The following ADGRV1 variants were observed in gnomAD, a reference collection of about 807,000 sequenced individuals.
ADGRV1 encodes G-protein coupled receptor 98.
In ADGRV1, 359 loss-of-function variants were observed where a neutral mutation model predicts 596.2. That is an observed-to-expected ratio of 0.60 (90% CI 0.55 to 0.66). ADGRV1 has a LOEUF of 0.66. Ranked by LOEUF, ADGRV1 falls within the 30% of genes least tolerant of loss-of-function variation. The pLI is 0.00. For synonymous variants in ADGRV1, 2,681 were observed against 2,679.2 expected, an observed-to-expected ratio of 1.00 and a Z score of -0.02; for missense variants, 7,274 against 7,575.6, an observed-to-expected ratio of 0.96 and a Z score of 1.48.
chr5:90,769,801 G>A (rs1016724607), intron 59 of ADGRV1, among the ~76,000 whole-genome samples: 9 of 152,114 alleles, frequency 5.9e-5, no homozygotes, highest in Admixed American at 5.2e-4. Flanking sequence ...GAAAATATGT[G>A]CTCCCTGCCT....
intron 85 of ADGRV1, among the ~76,000 whole-genome samples, chr5:91,032,627 C>T (rs886148084): frequency 1.3e-5 from 2 of 151,624 alleles, no homozygotes; most frequent in African/African-American, 4.8e-5. Flanking sequence ...ATAATTTATT[C>T]TTTCTTTGCC....
intron 82 of ADGRV1, among the ~76,000 whole-genome samples, chr5:90,861,078 A>G (rs1019638829): frequency 1.5e-4 from 23 of 152,162 alleles, no homozygotes; most frequent in Admixed American, 1.3e-4. Context: ...GTATGATAAT[A>G]AAAGACTTTA....
At chr5:90,755,979 C>A (rs961024555) in intron 55 of ADGRV1, among the ~76,000 whole-genome samples, 5 of 151,120 alleles carry the variant, frequency 3.3e-5, no homozygotes, top group African/African-American at 9.7e-5. Flanking sequence ...GTTTTCCCCC[C>A]CTTTTTAGAG....
intron 55 of ADGRV1, among the ~76,000 whole-genome samples, 189 bp downstream of exon 55, chr5:90,755,374 A>G (rs1437340637): frequency 1.3e-5 from 2 of 152,154 alleles, no homozygotes; most frequent in African/African-American, 2.4e-5. Context: ...ACTGGCTGGC[A>G]AAAATGATGT....
At chr5:91,125,196 A>G (rs796725820) in intron 87 of ADGRV1, among the ~76,000 whole-genome samples, 26 of 152,326 alleles carry the variant, frequency 1.7e-4, no homozygotes, top group African/African-American at 3.9e-4. Context: ...CCTCCCCTGA[A>G]TGGATGAGAG....
chr5:90,866,898 G>A (rs1253863194), intron 83 of ADGRV1, among the ~76,000 whole-genome samples: 4 of 152,078 alleles, frequency 2.6e-5, no homozygotes, highest in Admixed American at 2.6e-4. Context: ...TCAATACCAA[G>A]TTATTTTTTC....
chr5:90,675,936 T>C, intron 24 of ADGRV1, 144 bp from the exon 25 acceptor site: 1 of 562,446 alleles, frequency 1.8e-6, no homozygotes, highest in Non-Finnish European at 3.0e-6. Flanking sequence ...GTTTTCAATG[T>C]TGTATTTTAC....
In ADGRV1 at chr5:90,670,983, A is replaced by G. The variant is rs529686759; in HGVS notation, c.4753-1563A>G. Among the ~76,000 whole-genome samples, 11 of 152,342 alleles carry G rather than the reference A, an allele frequency of 7.2e-5. No homozygotes were observed. In the East Asian group the frequency reaches 2.1e-3, roughly 29 times the overall value. ...AAAGGGACTAATATGAAGGAGGTGT[A>G]GCAATGGGTACGTAGTGATAGGACT... On this transcript the variant is annotated intron_variant, in intron 21 of 89. Transcript: ENST00000405460.
At chr5:91,118,997 C>T (rs1314689799) in intron 87 of ADGRV1, among the ~76,000 whole-genome samples, 1 of 152,106 alleles carries the variant, frequency 6.6e-6, no homozygotes, top group African/African-American at 2.4e-5. Context: ...TTTCATCTAT[C>T]TTGATCATTC....
chr5:91,139,580 G>T (rs772653040), intron 87 of ADGRV1, among the ~76,000 whole-genome samples: 4 of 152,188 alleles, frequency 2.6e-5, no homozygotes, highest in Non-Finnish European at 5.9e-5. Flanking sequence ...ATTTAATTGT[G>T]TGCTATATAG....
intron 77 of ADGRV1, 61 bp downstream of exon 77, chr5:90,829,247 G>A (rs550059926): frequency 4.0e-5 from 51 of 1,259,788 alleles, no homozygotes; most frequent in Non-Finnish European, 5.0e-5. Flanking sequence ...TACAGCAAGA[G>A]TAATGACATA....
intron 85 of ADGRV1, among the ~76,000 whole-genome samples, chr5:90,993,154 CTTTTTT>C (rs1235025923): frequency 9.2e-5 from 9 of 97,640 alleles, no homozygotes; most frequent in Non-Finnish European, 1.6e-4. Flanking sequence ...TTGGTTTTCA[CTTTTTT>C]TTTTTTTTTT....
In ADGRV1 at chr5:90,823,601, G is replaced by C. The variant is rs758831011; in HGVS notation, c.16368+5G>C. ...ATTGAACTCAAACCAGAAAAGGTAA[G>C]AAATGAAGAGACACACTAGTGTCAA... On this transcript the variant is annotated splice_donor_5th_base_variant and intron_variant, in intron 76 of 89. Coordinates refer to ENST00000405460, the MANE Select transcript of ADGRV1 (RefSeq NM_032119.4). The C allele has an allele frequency of 6.2e-7, 1 of 1,610,952 alleles. No individual in the cohort carries two copies. The highest frequency in any genetic ancestry group is 1.1e-5 in the South Asian group (1 of 90,846).
intron 82 of ADGRV1, among the ~76,000 whole-genome samples, chr5:90,857,265 A>G (rs922904502): frequency 3.3e-5 from 5 of 152,158 alleles, no homozygotes; most frequent in Admixed American, 2.0e-4. Flanking sequence ...GAATGATGAA[A>G]TAAAATCAAA....
chr5:90,767,988 G>A (rs924859286), intron 59 of ADGRV1, among the ~76,000 whole-genome samples: 3 of 152,106 alleles, frequency 2.0e-5, no homozygotes, highest in Admixed American at 6.5e-5. Flanking sequence ...TCTCACCTGA[G>A]GAGCATTTAG....
At chr5:90,577,324 T>C (rs1757364478) in intron 1 of ADGRV1, among the ~76,000 whole-genome samples, 1 of 152,248 alleles carries the variant, frequency 6.6e-6, no homozygotes, top group South Asian at 2.1e-4. Context: ...ATTTTTCAGC[T>C]TTCTACATAT....
intron 83 of ADGRV1, among the ~76,000 whole-genome samples, chr5:90,886,527 C>T (rs73181330): frequency 0.012 from 1,902 of 152,278 alleles, 39 homozygotes; most frequent in African/African-American, 0.044. Flanking sequence ...CATACTCTCT[C>T]GATAAATGAT....
At position 90,653,724 on chromosome 5, in the gene ADGRV1, G is replaced by A. The variant is rs774744146; in HGVS notation, c.4150G>A (p.Gly1384Arg). Residue 1384 changes from glycine (G) to arginine (R), a missense_variant, in exon 20 of 90, where the codon GGG becomes AGG. Around this residue, in one of 5 missense-constraint regions of ADGRV1, gnomAD observed 1,715 missense variants for 1,708.8 expected, o/e 1.00. Transcript: ENST00000405460. ...KDDGNGSIYY[G>R]VKIQTNESHV... ...TGACGGTAATGGAAGCATCTACTAC[G>A]GGGTAAAAATACAAACAAACGAATC... 8 of 1,612,806 alleles carry A rather than the reference G, an allele frequency of 5.0e-6. No individual in the cohort carries two copies. Among genetic ancestry groups the A allele is most frequent in the Non-Finnish European group, 5.9e-6 (7 of 1,179,382 alleles).
intron 87 of ADGRV1, among the ~76,000 whole-genome samples, chr5:91,111,790 G>T (rs903911084): frequency 4.6e-5 from 7 of 152,012 alleles, no homozygotes; most frequent in African/African-American, 1.4e-4. Context: ...TCATTGATTT[G>T]TCCCAGAGCC....
Sources: allele counts gnomAD v4.1 joint callset (sites outside exome capture counted in the v4.1 genomes callset), GRCh38; gene constraint gnomAD v4.1.1; regional missense constraint gnomAD v4.1.1; transcripts MANE v1.5; gene names NCBI Gene and HGNC (gene_info 2026-07-23, HGNC 2026-07-21).